Variants in CCSER1 observed in about 807,000 individuals in gnomAD.
CCSER1 encodes coiled-coil serine rich protein 1.
A neutral mutation model predicts 82.0 loss-of-function variants in CCSER1; 41 were observed. The observed-to-expected ratio is 0.50, with a 90% CI of 0.39 to 0.65. CCSER1 has a LOEUF of 0.65. CCSER1 is among the 30% of genes least tolerant of loss of function. CCSER1 has a pLI of 0.00. For missense variants in CCSER1, 1,119 were observed against 1,064.2 expected, an observed-to-expected ratio of 1.05 and a Z score of -0.72; for synonymous variants, 414 against 383.9, an observed-to-expected ratio of 1.08 and a Z score of -0.92.
chr4:90,697,415 C>A (rs1737171856), intron 6 of CCSER1, among the ~76,000 whole-genome samples: 1 of 151,958 alleles, frequency 6.6e-6, no homozygotes, highest in Non-Finnish European at 1.5e-5. Flanking sequence ...AAAATACATA[C>A]TAAATGTAAA....
chr4:91,221,637 G>A (rs62311967), intron 10 of CCSER1, among the ~76,000 whole-genome samples: 8,801 of 152,124 alleles, frequency 0.058, 497 homozygotes, highest in African/African-American at 0.15. Flanking sequence ...CATATAGTTC[G>A]AACTGATCTT....
chr4:91,191,592 G>A (rs79968928), intron 10 of CCSER1, among the ~76,000 whole-genome samples: 10,068 of 152,220 alleles, frequency 0.066, 404 homozygotes, highest in South Asian at 0.16. Context: ...ACATGACCCA[G>A]TCTCCATCAA....
chr4:91,321,914 T>C (rs1047164299), intron 10 of CCSER1, among the ~76,000 whole-genome samples: 2 of 152,128 alleles, frequency 1.3e-5, no homozygotes, highest in Non-Finnish European at 2.9e-5. Flanking sequence ...AATATTTGTG[T>C]TATTATTTGA....
chr4:90,422,563 C>G (rs949708691), intron 4 of CCSER1, among the ~76,000 whole-genome samples: 1 of 152,076 alleles, frequency 6.6e-6, no homozygotes, highest in African/African-American at 2.4e-5. Context: ...CCACTGCACT[C>G]CAGCCTGGGC....
chr4:91,507,498 G>A (rs955692811), intron 10 of CCSER1, among the ~76,000 whole-genome samples: 1 of 151,642 alleles, frequency 6.6e-6, no homozygotes, highest in East Asian at 1.9e-4. Flanking sequence ...ACGCGATCTC[G>A]GCTCACTGCA....
At chr4:90,923,262 GAGA>G (rs1728639666) in intron 8 of CCSER1, 105 bp from the exon 9 acceptor site, 1 of 788,000 alleles carries the variant, frequency 1.3e-6, no homozygotes, top group Non-Finnish European at 2.2e-6. Context: ...CATATGCACA[GAGA>G]AGAACATGAA....
intron 10 of CCSER1, among the ~76,000 whole-genome samples, chr4:91,454,100 A>G (rs1361042437): frequency 2.0e-5 from 3 of 152,100 alleles, no homozygotes; most frequent in Non-Finnish European, 2.9e-5. Flanking sequence ...ACATGGAACT[A>G]TTTTTAATAG....
intron 10 of CCSER1, among the ~76,000 whole-genome samples, chr4:91,144,217 C>A (rs916527911): frequency 6.6e-6 from 1 of 151,702 alleles, no homozygotes; most frequent in Non-Finnish European, 1.5e-5. Context: ...GGAATTTATC[C>A]ATTTTTTTTC....
At chr4:91,041,761 A>G (rs1355468609) in intron 9 of CCSER1, among the ~76,000 whole-genome samples, 1 of 152,214 alleles carries the variant, frequency 6.6e-6, no homozygotes, top group African/African-American at 2.4e-5. Flanking sequence ...TAACTAAGGC[A>G]CAACAACCTG....
At chr4:91,474,758 CATGT>C (rs1197712328) in intron 10 of CCSER1, among the ~76,000 whole-genome samples, 177 of 65,490 alleles carry the variant, frequency 2.7e-3, no homozygotes, top group Non-Finnish European at 4.4e-3. Flanking sequence ...CACACACACA[CATGT>C]GTGTGTATAT....
chr4:90,959,917 C>T lies in CCSER1; in HGVS notation c.2172+36470C>T, dbSNP rs950386227. Among the ~76,000 whole-genome samples the T allele has an allele frequency of 3.3e-5, 5 of 152,200 alleles. No individual in the cohort carries two copies. The South Asian group carries it at 6.2e-4, about 19-fold the overall frequency. ...TCTGGAGCTTCTTTCCACGTTACTGCGTCTGCTTCAATCTAATACCCAAAT... is the reference window on the plus strand; with the variant it reads ...TCTGGAGCTTCTTTCCACGTTACTGTGTCTGCTTCAATCTAATACCCAAAT... On this transcript the variant is annotated intron_variant, in intron 9 of 10. Transcript: ENST00000509176.
chr4:90,874,292 G>A (rs2150043915), intron 8 of CCSER1, among the ~76,000 whole-genome samples: 1 of 152,170 alleles, frequency 6.6e-6, no homozygotes, highest in Middle Eastern at 3.4e-3. Context: ...ATCATTCAAA[G>A]GTTTGTATTT....
intron 10 of CCSER1, among the ~76,000 whole-genome samples, chr4:91,096,795 C>A (rs1027072424): frequency 6.6e-6 from 1 of 152,152 alleles, no homozygotes; most frequent in Non-Finnish European, 1.5e-5. Context: ...CACACACTCA[C>A]CACAAAACAA....
chr4:91,341,603 G>A (rs778941848), intron 10 of CCSER1, among the ~76,000 whole-genome samples: 19 of 152,136 alleles, frequency 1.2e-4, no homozygotes, highest in Non-Finnish European at 2.6e-4. Context: ...CCAGGCTGGA[G>A]TGCAGTTGTG....
At chr4:91,172,803 T>A (rs1243085683) in intron 10 of CCSER1, among the ~76,000 whole-genome samples, 1 of 147,926 alleles carries the variant, frequency 6.8e-6, no homozygotes. Flanking sequence ...CTTAATGCAA[T>A]CTAACATAAT....
At chr4:90,732,014 T>G (rs1348272174) in intron 7 of CCSER1, among the ~76,000 whole-genome samples, 3 of 150,596 alleles carry the variant, frequency 2.0e-5, no homozygotes, top group Non-Finnish European at 4.4e-5. Context: ...GAAAACACTG[T>G]ACCTATTGGG....
chr4:90,895,466 G>A (rs1481291361), intron 8 of CCSER1, among the ~76,000 whole-genome samples: 1 of 151,814 alleles, frequency 6.6e-6, no homozygotes, highest in African/African-American at 2.4e-5. Context: ...TTCTCTGTAA[G>A]AATAAATGGA....
At chr4:90,131,424 G>A (rs553293819) in intron 1 of CCSER1, among the ~76,000 whole-genome samples, 82 of 152,196 alleles carry the variant, frequency 5.4e-4, no homozygotes, top group Non-Finnish European at 1.1e-3. Context: ...TTGAGTAAAA[G>A]TGGCACACCT....
chr4:91,155,822 T>C (rs1730761079), intron 10 of CCSER1, among the ~76,000 whole-genome samples: 1 of 151,892 alleles, frequency 6.6e-6, no homozygotes, highest in African/African-American at 2.4e-5. Flanking sequence ...ATATACAGTT[T>C]AGAATGGTTG....
Sources: allele counts gnomAD v4.1 joint callset (sites outside exome capture counted in the v4.1 genomes callset), GRCh38; gene constraint gnomAD v4.1.1; transcripts MANE v1.5; gene names NCBI Gene and HGNC (gene_info 2026-07-23, HGNC 2026-07-21).